Variants in CALN1 observed in about 807,000 individuals in gnomAD.
CALN1 encodes calcium-binding protein 8.
In CALN1, 17 loss-of-function variants were observed where a neutral mutation model predicts 30.6. The ratio of observed to expected loss-of-function variants is 0.56; its 90% CI spans 0.38 to 0.83. The LOEUF (loss-of-function observed/expected upper bound fraction) is 0.83, where lower values mean the gene tolerates loss of function less well. CALN1 is among the 40% of genes least tolerant of loss of function. The probability of loss-of-function intolerance (pLI) is 0.00; values close to 1 mark genes in which losing one functional copy is unlikely to be tolerated. For synonymous variants in CALN1, 156 were observed against 131.4 expected (o/e 1.19, Z -1.28); for missense variants, 291 against 354.9 (o/e 0.82, Z 1.45).
intron 1 of CALN1, among the ~76,000 whole-genome samples, chr7:72,438,798 G>A (rs947280223): frequency 1.3e-5 from 2 of 152,112 alleles, no homozygotes; most frequent in Admixed American, 6.5e-5. Context: ...GGCTTCAAGC[G>A]ATGCCAAATA....
At chr7:72,139,143 G>A (rs1809707958) in intron 3 of CALN1, among the ~76,000 whole-genome samples, 2 of 152,266 alleles carry the variant, frequency 1.3e-5, no homozygotes, top group East Asian at 3.9e-4. Flanking sequence ...TCAACAAGCA[G>A]GTTGCTATTC....
intron 2 of CALN1, among the ~76,000 whole-genome samples, chr7:72,345,403 A>G (rs1802589413): frequency 3.7e-5 from 1 of 26,740 alleles, no homozygotes; most frequent in South Asian, 1.8e-3. Context: ...GGAAGGAAGG[A>G]AAGAAAGAAG....
At chr7:72,472,267 G>A in the CALN1 span, among the ~76,000 whole-genome samples, 1 of 152,144 alleles carries the variant, frequency 6.6e-6, no homozygotes, top group East Asian at 1.9e-4. Context: ...GCATTTGCAA[G>A]GCCATACATC....
intron 5 of CALN1, among the ~76,000 whole-genome samples, chr7:72,010,816 A>C (rs1183486060): frequency 8.7e-5 from 13 of 149,580 alleles, no homozygotes; most frequent in Non-Finnish European, 1.6e-4. Context: ...AAAAAAAAAA[A>C]AGAAAAGAAA....
chr7:72,058,685 GGC>G (rs756329969), intron 4 of CALN1, among the ~76,000 whole-genome samples: 1 of 152,042 alleles, frequency 6.6e-6, no homozygotes, highest in Non-Finnish European at 1.5e-5. Context: ...GGGCCAAGGG[GGC>G]AGGACTTTGG....
chr7:72,249,282 C>T (rs534242972), intron 3 of CALN1, among the ~76,000 whole-genome samples: 11 of 152,126 alleles, frequency 7.2e-5, no homozygotes, highest in Non-Finnish European at 1.5e-4. Context: ...TCTTCCTGTA[C>T]AAAGCACCAG....
chr7:72,139,613 C>T (rs1809750548), intron 3 of CALN1, among the ~76,000 whole-genome samples: 1 of 151,544 alleles, frequency 6.6e-6, no homozygotes, highest in Non-Finnish European at 1.5e-5. Flanking sequence ...GTCAAGTCTA[C>T]CCTCTTCTAA....
chr7:72,178,373 A>G (rs1789517522), intron 3 of CALN1, among the ~76,000 whole-genome samples: 1 of 152,192 alleles, frequency 6.6e-6, no homozygotes, highest in Non-Finnish European at 1.5e-5. Flanking sequence ...CATTCGATAC[A>G]TAATCACTGT....
intron 4 of CALN1, among the ~76,000 whole-genome samples, chr7:72,030,604 T>A (rs1584782431): frequency 6.6e-6 from 1 of 152,020 alleles, no homozygotes; most frequent in Non-Finnish European, 1.5e-5. Flanking sequence ...ATCTCAGAGG[T>A]AGGTTTTACA....
chr7:72,296,293 A>G (rs1359164389), intron 2 of CALN1, among the ~76,000 whole-genome samples: 1 of 146,204 alleles, frequency 6.8e-6, no homozygotes, highest in African/African-American at 2.5e-5. Context: ...TTTTGCATCA[A>G]TGTTCATCAA....
chr7:72,016,926 G>GT, intron 5 of CALN1, among the ~76,000 whole-genome samples: 1 of 149,752 alleles, frequency 6.7e-6, no homozygotes. Context: ...GCCAAGGTGA[G>GT]TGGATCACTT....
chr7:71,906,349 G>A (rs1029617216), intron 5 of CALN1, among the ~76,000 whole-genome samples: 7 of 152,312 alleles, frequency 4.6e-5, no homozygotes, highest in Middle Eastern at 6.8e-3. Context: ...GAGCCAGCAG[G>A]CAGTGAGGAG....
intron 3 of CALN1, among the ~76,000 whole-genome samples, chr7:72,119,173 A>G (rs1165608147): frequency 6.6e-6 from 1 of 152,214 alleles, no homozygotes; most frequent in Admixed American, 6.5e-5. Flanking sequence ...CTGCTTATAA[A>G]GACATACCCA....
At chr7:72,326,961 C>T (rs1214672828) in intron 2 of CALN1, among the ~76,000 whole-genome samples, 1 of 152,186 alleles carries the variant, frequency 6.6e-6, no homozygotes, top group African/African-American at 2.4e-5. Flanking sequence ...CTTCTAAACA[C>T]ATATTCATTC....
intron 5 of CALN1, among the ~76,000 whole-genome samples, chr7:71,828,716 A>G (rs560099843): frequency 1.3e-4 from 17 of 132,422 alleles, no homozygotes; most frequent in Middle Eastern, 3.6e-3. Flanking sequence ...ATATATATGT[A>G]TATGTGTGTG....
At chr7:72,108,924 C>T (rs1807366999) in intron 3 of CALN1, among the ~76,000 whole-genome samples, 1 of 152,184 alleles carries the variant, frequency 6.6e-6, no homozygotes, top group Admixed American at 6.5e-5. Flanking sequence ...ACTGTCTTTG[C>T]TCACCATAGC....
intron 3 of CALN1, among the ~76,000 whole-genome samples, chr7:72,262,044 G>C (rs537616484): frequency 6.6e-6 from 1 of 152,214 alleles, no homozygotes; most frequent in African/African-American, 2.4e-5. Context: ...GCTTTAGAGA[G>C]GAAGGCAGAG....
At chr7:72,342,676 C>G (rs1039212301) in intron 2 of CALN1, among the ~76,000 whole-genome samples, 7 of 152,144 alleles carry the variant, frequency 4.6e-5, no homozygotes, top group African/African-American at 7.2e-5. Context: ...CAGAGTTACA[C>G]AAATCAGACA....
chr7:72,039,449 T>G (rs10280768), intron 4 of CALN1, among the ~76,000 whole-genome samples: 52,325 of 152,104 alleles, frequency 0.34, 9,572 homozygotes, highest in East Asian at 0.72. Context: ...TATAAACTCT[T>G]AAGGAATCAA....
Sources: allele counts gnomAD v4.1 joint callset (sites outside exome capture counted in the v4.1 genomes callset), GRCh38; gene constraint gnomAD v4.1.1; transcripts MANE v1.5; gene names NCBI Gene and HGNC (gene_info 2026-07-23, HGNC 2026-07-21).